The following CDA variants were observed in gnomAD, a reference collection of about 807,000 sequenced individuals.
CDA encodes cytidine aminohydrolase.
CDA carries 7 observed loss-of-function variants against 15.0 expected under a neutral mutation model. The ratio of observed to expected loss-of-function variants is 0.47; its 90% CI spans 0.26 to 0.87. The LOEUF (loss-of-function observed/expected upper bound fraction) is 0.87. Among genes scored for constraint, CDA ranks in the 40% least tolerant of loss-of-function variants. The probability of loss-of-function intolerance (pLI) is 0.15; values close to 1 mark genes in which losing one functional copy is unlikely to be tolerated. For synonymous variants in CDA, 58 were observed against 73.0 expected, an observed-to-expected ratio of 0.79 and a Z score of 1.05; for missense variants, 159 against 182.7, an observed-to-expected ratio of 0.87 and a Z score of 0.75.
chr1:20,611,948 C>T (rs569967942), intron 2 of CDA, among the ~76,000 whole-genome samples: 6 of 152,216 alleles, frequency 3.9e-5, no homozygotes, highest in Non-Finnish European at 8.8e-5. Flanking sequence ...CTGCAACCTC[C>T]GCCTCCCAGG....
chr1:20,596,944 TAG>T (rs1395536056), intron 1 of CDA, among the ~76,000 whole-genome samples: 7 of 152,018 alleles, frequency 4.6e-5, no homozygotes, highest in Non-Finnish European at 1.0e-4. Context: ...AAATTTTTTG[TAG>T]AGACTGGGTT....
At chr1:20,611,684 C>T (rs2052752067) in intron 2 of CDA, among the ~76,000 whole-genome samples, 1 of 151,962 alleles carries the variant, frequency 6.6e-6, no homozygotes, top group Non-Finnish European at 1.5e-5. Flanking sequence ...TGGCCAAAGC[C>T]GCCTGTTTTA....
At chr1:20,599,911 C>T (rs12406106) in intron 1 of CDA, among the ~76,000 whole-genome samples, 44,969 of 151,910 alleles carry the variant, frequency 0.3, 6,683 homozygotes, top group Middle Eastern at 0.34. Flanking sequence ...CTATCATTAG[C>T]GATTTACAAA....
chr1:20,613,809 G>A, intron 2 of CDA, 33 bp from the exon 3 acceptor site: 3 of 1,603,532 alleles, frequency 1.9e-6, no homozygotes, highest in Non-Finnish European at 2.6e-6. Flanking sequence ...CCTTGGGAGA[G>A]ACTAATTTGA....
rs144938571 is a variant in CDA at position 20,589,228 on chromosome 1, C to T, written c.99C>T (p.Tyr33=). 5.0e-6 allele frequency: 8 copies of T among 1,613,860 alleles called. No individual in the cohort carries two copies. Among genetic ancestry groups the T allele is most frequent in the African/African-American group, 1.3e-5 (1 of 75,056 alleles). ...QEAKKSAYCP[Y]SHFPVGAALL... is the part of the protein sequence containing the mutation. ...CCAAGAAGTCAGCCTACTGCCCCTACAGTCACTTTCCTGTGGGGGCTGCCC... is the reference window on the plus strand; with the variant it reads ...CCAAGAAGTCAGCCTACTGCCCCTATAGTCACTTTCCTGTGGGGGCTGCCC... Residue 33 remains tyrosine (Y), a synonymous_variant, in exon 1 of 4, where the codon TAC becomes TAT. Transcript: ENST00000375071.
chr1:20,612,682 C>A (rs901249632), intron 2 of CDA, among the ~76,000 whole-genome samples: 1 of 151,816 alleles, frequency 6.6e-6, no homozygotes, highest in Non-Finnish European at 1.5e-5. Flanking sequence ...GTTGGTGGGG[C>A]GGGGCGGGGT....
At chr1:20,589,369 C>A in intron 1 of CDA, 86 bp downstream of exon 1, 2 of 1,305,392 alleles carry the variant, frequency 1.5e-6, no homozygotes, top group Non-Finnish European at 2.2e-6. Context: ...CGCAGAGGCA[C>A]AGGCAGTGGC....
chr1:20,617,277 T>C (rs780197044), intron 3 of CDA, among the ~76,000 whole-genome samples: 11 of 152,206 alleles, frequency 7.2e-5, no homozygotes, highest in Non-Finnish European at 1.3e-4. Flanking sequence ...CTTTGCTGAC[T>C]TTACTCTGCT....
At chr1:20,600,014 G>A (rs2052627407) in intron 1 of CDA, among the ~76,000 whole-genome samples, 1 of 152,200 alleles carries the variant, frequency 6.6e-6, no homozygotes, top group Non-Finnish European at 1.5e-5. Context: ...AAACCTAATG[G>A]AACCTCTTTC....
At chr1:20,604,228 A>G (rs1056247514) in intron 1 of CDA, among the ~76,000 whole-genome samples, 1 of 152,190 alleles carries the variant, frequency 6.6e-6, no homozygotes, top group African/African-American at 2.4e-5. Flanking sequence ...ACAGAATACC[A>G]TAGACTGGGT....
chr1:20,597,292 C>T (rs927320051), intron 1 of CDA, among the ~76,000 whole-genome samples: 6 of 151,844 alleles, frequency 4.0e-5, no homozygotes, highest in Non-Finnish European at 8.8e-5. Flanking sequence ...AATAAAAATA[C>T]AAAAAAAATT....
chr1:20,618,222 G>A (rs1353539177), intron 3 of CDA, among the ~76,000 whole-genome samples: 1 of 151,182 alleles, frequency 6.6e-6, no homozygotes, highest in African/African-American at 2.4e-5. Flanking sequence ...GTCTTGAATG[G>A]TGCCTGTTCA....
At chr1:20,613,704 A>G in intron 2 of CDA, 138 bp from the exon 3 acceptor site, 3 of 785,572 alleles carry the variant, frequency 3.8e-6, no homozygotes, top group Admixed American at 2.0e-5. Flanking sequence ...TTCAGGACAC[A>G]GTGGATCTGT....
At chr1:20,610,432 C>T (rs900506861) in intron 2 of CDA, among the ~76,000 whole-genome samples, 2 of 151,794 alleles carry the variant, frequency 1.3e-5, no homozygotes, top group African/African-American at 4.8e-5. Flanking sequence ...TCCCAAGTAG[C>T]AGGGATTACA....
At chr1:20,613,771 G>A (rs1377027075) in intron 2 of CDA, 71 bp from the exon 3 acceptor site, 2 of 1,408,578 alleles carry the variant, frequency 1.4e-6, no homozygotes, top group South Asian at 2.3e-5. Flanking sequence ...CGAGTCTCAG[G>A]GCCTGAATCT....
At chr1:20,603,253 TAACA>T (rs2052663516) in intron 1 of CDA, among the ~76,000 whole-genome samples, 1 of 152,208 alleles carries the variant, frequency 6.6e-6, no homozygotes, top group Non-Finnish European at 1.5e-5. Flanking sequence ...TATGCTACTA[TAACA>T]AACAGATTCC....
At position 20,611,915 on chromosome 1, in the gene CDA, T is replaced by C. The variant is rs1436773602; in HGVS notation, c.267-1927T>C. 2.0e-5 allele frequency among the ~76,000 whole-genome samples: 3 copies of C among 152,136 alleles called. No homozygotes were observed. In the South Asian group the frequency reaches 6.2e-4, roughly 32 times the overall value. Reference sequence around the variant, plus strand: ...TCTCACTCTGTCACCCAGGCTGGAGTGCGGTGGCACAATCACAGTTCACTG... The same window carrying C: ...TCTCACTCTGTCACCCAGGCTGGAGCGCGGTGGCACAATCACAGTTCACTG... On this transcript the variant is annotated intron_variant, in intron 2 of 3. Transcript: ENST00000375071.
chr1:20,589,954 C>T lies in CDA; in HGVS notation c.154+671C>T, dbSNP rs117950676. Among the ~76,000 whole-genome samples, 105 of 152,348 alleles carry T rather than the reference C, an allele frequency of 6.9e-4. 1 individual carries two copies. The East Asian group carries it at 0.019, about 28-fold the overall frequency. On this transcript the variant is annotated intron_variant, in intron 1 of 3. Coordinates refer to ENST00000375071, the MANE Select transcript of CDA (RefSeq NM_001785.3). Reference sequence around the variant, plus strand: ...GGGGGCGGGTAATGGAACCTGAGCCCATCTGAGTCTGCTCTAATCTGTTCC... The same window carrying T: ...GGGGGCGGGTAATGGAACCTGAGCCTATCTGAGTCTGCTCTAATCTGTTCC...
intron 1 of CDA, among the ~76,000 whole-genome samples, chr1:20,591,949 T>C (rs1258454785): frequency 6.6e-6 from 1 of 151,756 alleles, no homozygotes; most frequent in Non-Finnish European, 1.5e-5. Flanking sequence ...GTTCAAGCGA[T>C]TCTCCTGCCT....
Sources: gnomAD v4.1 joint callset for allele counts (sites outside exome capture counted in the v4.1 genomes callset) on GRCh38, gnomAD v4.1.1 for gene constraint, MANE v1.5 for transcripts, NCBI Gene and HGNC (gene_info 2026-07-23, HGNC 2026-07-21) for gene names.